TRIB3: variants seen among roughly 807,000 people sequenced by gnomAD.
TRIB3 encodes tribbles homolog 3.
In TRIB3, 20 loss-of-function variants were observed where a neutral mutation model predicts 16.6. The observed-to-expected ratio is 1.20, with a 90% CI of 0.85 to 1.75. The LOEUF (loss-of-function observed/expected upper bound fraction) is 1.75, where lower values mean the gene tolerates loss of function less well. Among genes scored for constraint, TRIB3 ranks in the 40% most tolerant of loss-of-function variants. The pLI is 0.00. For synonymous variants in TRIB3, 208 were observed against 217.0 expected (o/e 0.96, Z 0.36); for missense variants, 484 against 488.9 (o/e 0.99, Z 0.10).
intron 1 of TRIB3, among the ~76,000 whole-genome samples, chr20:384,397 C>G (rs1278451477): frequency 6.6e-6 from 1 of 152,212 alleles, no homozygotes; most frequent in East Asian, 1.9e-4. Context: ...CAGAGTCTTG[C>G]TCTGTCCCCA....
chr20:387,235 C>T (rs1468170970), intron 1 of TRIB3, among the ~76,000 whole-genome samples: 2 of 151,996 alleles, frequency 1.3e-5, no homozygotes, highest in African/African-American at 4.8e-5. Context: ...ATTAGTCAGG[C>T]ATCATAGTGC....
intron 2 of TRIB3, among the ~76,000 whole-genome samples, chr20:390,046 G>A (rs1315874092): frequency 6.6e-6 from 1 of 152,164 alleles, no homozygotes; most frequent in Non-Finnish European, 1.5e-5. Context: ...GTGTCAGGTG[G>A]CCGGGCGCGG....
At chr20:396,139 G>C in intron 3 of TRIB3, 59 bp from the exon 4 acceptor site, 1 of 1,555,096 alleles carries the variant, frequency 6.4e-7, no homozygotes, top group Admixed American at 1.7e-5. Flanking sequence ...GATAGCATGG[G>C]GTGGTGGCAT....
intron 2 of TRIB3, among the ~76,000 whole-genome samples, chr20:389,783 C>T (rs1255183267): frequency 6.6e-6 from 1 of 152,246 alleles, no homozygotes; most frequent in African/African-American, 2.4e-5. Context: ...GGAACATACT[C>T]ACCCCTATGC....
Position 390,954 on chromosome 20 carries a change from A to G in TRIB3, c.292-333A>G, listed in dbSNP as rs564641678. ...GAGGCGGAGTTTGCAGTGAGCTGAGATTGCGCCAGTGTGCTCCAGCCTGGG... is the reference window on the plus strand; with the variant it reads ...GAGGCGGAGTTTGCAGTGAGCTGAGGTTGCGCCAGTGTGCTCCAGCCTGGG... On this transcript the variant is annotated intron_variant, in intron 2 of 3. Coordinates refer to ENST00000217233, the MANE Select transcript of TRIB3 (RefSeq NM_021158.5). 9.7e-5 allele frequency among the ~76,000 whole-genome samples: 13 copies of G among 134,104 alleles called. No individual in the cohort carries two copies. The East Asian group carries it at 3.0e-3, about 31-fold the overall frequency. The allele number at this position is 134,104 out of a possible 152,430, so 88.0% of individuals were successfully genotyped here. A position where few individuals can be genotyped will look rare whatever the true frequency, so the allele number is the denominator to read the frequency against.
intron 1 of TRIB3, among the ~76,000 whole-genome samples, chr20:386,147 G>C (rs1004621154): frequency 6.6e-6 from 1 of 151,890 alleles, no homozygotes; most frequent in Admixed American, 6.6e-5. Context: ...TACAGGTGTG[G>C]GCCACTGCAC....
chr20:391,394 C>T lies in TRIB3; in HGVS notation c.399C>T (p.Leu133=). The change falls in exon 3 of 4, where the codon CTC becomes CTT. Residue 133 remains leucine, a synonymous_variant. Transcript: ENST00000217233. ...AGGTCCTGGCTGGTACCCAGCTCCT[C>T]TACGCCTTTTTCACTCGGACCCATG... ...PTEVLAGTQL[L]YAFFTRTHGD... 2 of 1,613,834 alleles carry T rather than the reference C, an allele frequency of 1.2e-6. No individual in the cohort carries two copies. The highest frequency in any genetic ancestry group is 1.7e-6 in the Non-Finnish European group (2 of 1,180,026).
chr20:388,147 G>T lies in TRIB3; in HGVS notation c.137G>T (p.Cys46Phe). 6.2e-7 allele frequency: 1 copy of T among 1,614,090 alleles called. No homozygotes were observed. The highest frequency in any genetic ancestry group is 8.5e-7 in the Non-Finnish European group (1 of 1,180,022). ...RSGPQPRLPP[C>F]LLPLSPPTAP... ...GGGCCCCAGCCCAGACTGCCCCCCT[G>T]CCTGTTGCCCCTGAGCCCACCTACT... The change falls in exon 2 of 4, where the codon TGC becomes TTC. Residue 46 changes from cysteine to phenylalanine, a missense_variant. Transcript: ENST00000217233.
intron 1 of TRIB3, among the ~76,000 whole-genome samples, chr20:384,780 A>G (rs971037747): frequency 6.6e-6 from 1 of 152,166 alleles, no homozygotes; most frequent in African/African-American, 2.4e-5. Flanking sequence ...TCTGAAGCCA[A>G]GGTAGATGCT....
Position 396,828 on chromosome 20 carries a change from C to G in TRIB3, c.*138C>G. 1 of 1,311,708 alleles carries G rather than the reference C, an allele frequency of 7.6e-7. No homozygotes were observed. The highest frequency in any genetic ancestry group is 2.5e-5 in the Admixed American group (1 of 40,252). 81.3% of individuals were successfully genotyped at this position (1,311,708 alleles called of 1,614,324 possible). On this transcript the variant is annotated 3_prime_UTR_variant, in exon 4 of 4. Coordinates refer to ENST00000217233, the MANE Select transcript of TRIB3 (RefSeq NM_021158.5). Reference sequence around the variant, plus strand: ...AAGGCAGAAGCCTGTGTGGAGTGTGCTGTGTACACATCTGCTTTGTTCCAC... The same window carrying G: ...AAGGCAGAAGCCTGTGTGGAGTGTGGTGTGTACACATCTGCTTTGTTCCAC...
intron 1 of TRIB3, chr20:382,569 G>A (rs1000325578): frequency 3.8e-5 from 59 of 1,535,588 alleles, no homozygotes; most frequent in Non-Finnish European, 4.9e-5. Context: ...ATCTTGCTGT[G>A]AAGAATAACA....
chr20:381,666 C>T (rs1205582887), intron 1 of TRIB3, among the ~76,000 whole-genome samples: 1 of 152,026 alleles, frequency 6.6e-6, no homozygotes, highest in Non-Finnish European at 1.5e-5. Flanking sequence ...ATGGTGAGAG[C>T]TGTCTGGAGG....
chr20:388,301 G>A lies in TRIB3; in HGVS notation c.291G>A (p.Lys97=). 1 of 1,597,560 alleles carries A rather than the reference G, an allele frequency of 6.3e-7. No homozygotes were observed. The highest frequency in any genetic ancestry group is 8.6e-7 in the Non-Finnish European group (1 of 1,169,130). Residue 97 remains lysine (K), a splice_region_variant and synonymous_variant, in exon 2 of 4, where the codon AAG becomes AAA. Coordinates refer to ENST00000217233, the MANE Select transcript of TRIB3 (RefSeq NM_021158.5). The part of the protein sequence containing the change: ...HCPTGTEYTC[K]VYPVQEALAV... ...CTACAGGCACTGAGTATACCTGCAA[G>A]GTACGTGCCCATGGGCGGCTGTCCC...
intron 1 of TRIB3, among the ~76,000 whole-genome samples, chr20:381,896 G>A (rs1486289620): frequency 6.6e-6 from 1 of 152,206 alleles, no homozygotes; most frequent in African/African-American, 2.4e-5. Flanking sequence ...ACCGGGGAGG[G>A]CGGGGGACGA....
intron 3 of TRIB3, among the ~76,000 whole-genome samples, chr20:392,021 C>G (rs1366286965): frequency 8.8e-6 from 1 of 114,002 alleles, no homozygotes; most frequent in Non-Finnish European, 1.9e-5. Flanking sequence ...GATTCCATCT[C>G]AAAAAAAAAA....
At position 396,696 on chromosome 20, in the gene TRIB3, C is replaced by G. The variant is rs1600258329; in HGVS notation, c.*6C>G. 6.3e-7 allele frequency: 1 copy of G among 1,594,504 alleles called. No homozygotes were observed. The highest frequency in any genetic ancestry group is 2.2e-5 in the East Asian group (1 of 44,536). On this transcript the variant is annotated 3_prime_UTR_variant, in exon 4 of 4. Transcript: ENST00000217233. Reference sequence around the variant, plus strand: ...AAGTGGTTCTGTATGGCTAGGACCACCCTACTACACGCTCAGCTGCCAACA... The same window carrying G: ...AAGTGGTTCTGTATGGCTAGGACCAGCCTACTACACGCTCAGCTGCCAACA...
At chr20:391,195 G>A in intron 2 of TRIB3, 92 bp from the exon 3 acceptor site, 1 of 1,389,744 alleles carries the variant, frequency 7.2e-7, no homozygotes, top group Non-Finnish European at 9.9e-7. Context: ...CTAGCACATG[G>A]TAGTGTCTAA....
At chr20:391,001 CAAAAAA>C (rs11374668) in intron 2 of TRIB3, among the ~76,000 whole-genome samples, 2 of 85,780 alleles carry the variant, frequency 2.3e-5, no homozygotes, top group Non-Finnish European at 4.6e-5. Flanking sequence ...GACTCCGTCT[CAAAAAA>C]AAAAAAAAAA....
At chr20:381,742 T>C (rs1568530986) in intron 1 of TRIB3, among the ~76,000 whole-genome samples, 1 of 151,602 alleles carries the variant, frequency 6.6e-6, no homozygotes, top group Non-Finnish European at 1.5e-5. Flanking sequence ...TGGGGTGCCC[T>C]GGAGCGGGGG....
Sources: allele counts gnomAD v4.1 joint callset (sites outside exome capture counted in the v4.1 genomes callset), GRCh38; gene constraint gnomAD v4.1.1; transcripts MANE v1.5; gene names NCBI Gene and HGNC (gene_info 2026-07-23, HGNC 2026-07-21).